SUSD6: variants seen among roughly 807,000 people sequenced by gnomAD.
The protein encoded by SUSD6 is sushi domain containing 6, also known as sushi domain-containing protein 6.
SUSD6 carries 16 observed loss-of-function variants against 28.4 expected under a neutral mutation model. The ratio of observed to expected loss-of-function variants is 0.56; its 90% confidence interval spans 0.38 to 0.86. The LOEUF (loss-of-function observed/expected upper bound fraction) is 0.86. Among genes scored for constraint, SUSD6 ranks in the 40% least tolerant of loss-of-function variants. The pLI is 0.00. For synonymous variants in SUSD6, 147 were observed against 159.6 expected (o/e 0.92, Z 0.59); for missense variants, 341 against 384.2 (o/e 0.89, Z 0.94).
Position 69,713,832 on chromosome 14 carries a change from GTTTGTTTT to G in SUSD6, c.*2857_*2864del, listed in dbSNP as rs1336140365. The stretch of plus-strand genomic sequence containing the variant: ...GTTTTTTTGTTTGTTTGTTGTTGGT[GTTTGTTTT>G]TTTTTTTTTTTTTTTGGCACACTTG... On this transcript the variant is annotated 3_prime_UTR_variant, in exon 6 of 6. Coordinates refer to ENST00000342745, the MANE Select transcript of SUSD6 (RefSeq NM_014734.4). The G allele has an allele frequency of 1.5e-5, 2 of 132,482 alleles. No individual in the cohort carries two copies. The highest frequency in any genetic ancestry group is 5.9e-5 in the African/African-American group (2 of 33,720). 8.2% of individuals were successfully genotyped at this position (132,482 alleles called of 1,614,324 possible). A position where few individuals can be genotyped will look rare whatever the true frequency, so the allele number is the denominator to read the frequency against.
intron 4 of SUSD6, among the ~76,000 whole-genome samples, chr14:69,707,262 G>A (rs1239840216): frequency 6.6e-6 from 1 of 152,090 alleles, no homozygotes; most frequent in Non-Finnish European, 1.5e-5. Flanking sequence ...ATACTCTTAG[G>A]AAGTATATGT....
At chr14:69,684,695 T>C (rs1886046842) in intron 2 of SUSD6, among the ~76,000 whole-genome samples, 1 of 152,214 alleles carries the variant, frequency 6.6e-6, no homozygotes, top group African/African-American at 2.4e-5. Flanking sequence ...GAGCAGTTCC[T>C]CTTTGGGGGT....
intron 2 of SUSD6, among the ~76,000 whole-genome samples, chr14:69,672,732 A>G (rs1260075035): frequency 6.6e-6 from 1 of 152,186 alleles, no homozygotes; most frequent in Admixed American, 6.5e-5. Flanking sequence ...TGCTCAGGCC[A>G]GTTTTGCTGC....
rs1013195483 is a variant in SUSD6 at position 69,711,650 on chromosome 14, A to G, written c.*671A>G. 6.6e-6 allele frequency: 1 copy of G among 152,356 alleles called. No individual in the cohort carries two copies. Among genetic ancestry groups the G allele is most frequent in the Non-Finnish European group, 1.5e-5 (1 of 68,166 alleles). The allele number at this position is 152,356 out of a possible 1,614,324, so 9.4% of individuals were successfully genotyped here. On this transcript the variant is annotated 3_prime_UTR_variant, in exon 6 of 6. Coordinates refer to ENST00000342745, the MANE Select transcript of SUSD6 (RefSeq NM_014734.4). ...ATGGAAGATTTGGAGAATCATGTCC[A>G]TGCTGGCCCAGGACCCAGCCATCTG...
Position 69,710,893 on chromosome 14 carries a change from G to A in SUSD6, c.887-61G>A, listed in dbSNP as rs149539233. Reference sequence around the variant, plus strand: ...ATAGCCCCTAAGTTGCAGTGGGGTCGAGAGTGCTCTAGAGTTCCACACAAG... The same window carrying A: ...ATAGCCCCTAAGTTGCAGTGGGGTCAAGAGTGCTCTAGAGTTCCACACAAG... On this transcript the variant is annotated intron_variant, in intron 5 of 5. Coordinates refer to ENST00000342745, the MANE Select transcript of SUSD6 (RefSeq NM_014734.4). 6,560 of 1,542,534 alleles carry A rather than the reference G, an allele frequency of 4.3e-3. 21 individuals carry two copies. The highest frequency in any genetic ancestry group is 5.2e-3 in the Non-Finnish European group (5,852 of 1,115,260).
Position 69,621,055 on chromosome 14 carries a change from C to G in SUSD6, c.-81+9227C>G, listed in dbSNP as rs568206101. 2.0e-5 allele frequency among the ~76,000 whole-genome samples: 3 copies of G among 152,276 alleles called. No homozygotes were observed. In the Middle Eastern group the frequency reaches 0.01, roughly 518 times the overall value. On this transcript the variant is annotated intron_variant, in intron 1 of 5. Transcript: ENST00000342745. ...TAGTTCCCAGTAAACGTACGCCCTC[C>G]CCCTATATTTTACCTCTTTGGGTGG...
intron 2 of SUSD6, among the ~76,000 whole-genome samples, chr14:69,684,030 G>C (rs764015620): frequency 9.2e-5 from 14 of 152,222 alleles, no homozygotes; most frequent in Admixed American, 5.9e-4. Flanking sequence ...TGCTGGCTGA[G>C]TAGGATCAGC....
At chr14:69,625,837 C>T (rs1053629169) in intron 1 of SUSD6, among the ~76,000 whole-genome samples, 9 of 152,272 alleles carry the variant, frequency 5.9e-5, no homozygotes, top group African/African-American at 2.2e-4. Context: ...TCTGTGAAAC[C>T]ATCTCTGCTG....
chr14:69,664,353 A>G (rs1030169740), intron 2 of SUSD6, among the ~76,000 whole-genome samples: 5 of 152,114 alleles, frequency 3.3e-5, no homozygotes, highest in Non-Finnish European at 7.4e-5. Flanking sequence ...AAGGTTTGCC[A>G]AGGTGGTTCT....
rs1305946965 is a variant in SUSD6 at position 69,669,046 on chromosome 14, T to C, written c.121+10333T>C. On this transcript the variant is annotated intron_variant, in intron 2 of 5. Coordinates refer to ENST00000342745, the MANE Select transcript of SUSD6 (RefSeq NM_014734.4). ...AATGAATTACCCAGTCTCAAGTATT[T>C]TTTTTCTTTTCTTTTCTTTTTTTTT... is the stretch of plus-strand genomic sequence containing the variant. Among the ~76,000 whole-genome samples the C allele has an allele frequency of 2.1e-5, 3 of 144,962 alleles. No individual in the cohort carries two copies. The East Asian group carries it at 6.0e-4, about 29-fold the overall frequency.
At chr14:69,696,150 G>A (rs1310104598) in intron 2 of SUSD6, among the ~76,000 whole-genome samples, 3 of 152,192 alleles carry the variant, frequency 2.0e-5, no homozygotes, top group African/African-American at 2.4e-5. Context: ...AGCAGGCCCC[G>A]GCTTAACTGA....
intron 2 of SUSD6, among the ~76,000 whole-genome samples, chr14:69,680,840 A>G (rs1299460992): frequency 1.3e-5 from 2 of 152,138 alleles, no homozygotes; most frequent in Non-Finnish European, 2.9e-5. Flanking sequence ...TTCTATGAGG[A>G]TGATTCCTTT....
At chr14:69,697,537 A>G (rs1194296802) in intron 2 of SUSD6, among the ~76,000 whole-genome samples, 1 of 152,222 alleles carries the variant, frequency 6.6e-6, no homozygotes, top group Non-Finnish European at 1.5e-5. Context: ...ATCAGTCAAC[A>G]TATTTTTTCA....
chr14:69,701,246 C>T (rs1388316405), intron 2 of SUSD6, among the ~76,000 whole-genome samples: 6 of 151,378 alleles, frequency 4.0e-5, no homozygotes, highest in Non-Finnish European at 7.4e-5. Flanking sequence ...GCTAGGTGAC[C>T]GCCAGGATCC....
At chr14:69,707,970 A>G (rs951861355) in intron 4 of SUSD6, among the ~76,000 whole-genome samples, 6 of 152,232 alleles carry the variant, frequency 3.9e-5, no homozygotes, top group Admixed American at 2.6e-4. Flanking sequence ...CTTGACCTAT[A>G]TAGGAGTTTT....
chr14:69,632,831 T>C (rs1595034721), intron 1 of SUSD6, among the ~76,000 whole-genome samples: 1 of 150,950 alleles, frequency 6.6e-6, no homozygotes, highest in East Asian at 1.9e-4. Context: ...CCTGCTCTCA[T>C]CCAAAACTCC....
chr14:69,692,187 C>T (rs538429713), intron 2 of SUSD6, among the ~76,000 whole-genome samples: 13 of 152,206 alleles, frequency 8.5e-5, no homozygotes, highest in Non-Finnish European at 1.5e-4. Context: ...CCTGCCTTTT[C>T]CCTCCACTTC....
At chr14:69,701,774 C>T (rs925206190) in intron 2 of SUSD6, among the ~76,000 whole-genome samples, 1 of 152,106 alleles carries the variant, frequency 6.6e-6, no homozygotes, top group Admixed American at 6.5e-5. Flanking sequence ...CCCTGTGGCA[C>T]CTACCCAGCT....
chr14:69,639,845 T>C (rs750729337), intron 1 of SUSD6, among the ~76,000 whole-genome samples: 4 of 151,990 alleles, frequency 2.6e-5, no homozygotes, highest in Non-Finnish European at 4.4e-5. Flanking sequence ...CAAATATGCC[T>C]CTAGACATTG....
Sources: allele counts gnomAD v4.1 joint callset (sites outside exome capture counted in the v4.1 genomes callset), GRCh38; gene constraint gnomAD v4.1.1; transcripts MANE v1.5; gene names NCBI Gene and HGNC (gene_info 2026-07-23, HGNC 2026-07-21).